Variants in CLIC4 observed in about 807,000 individuals in gnomAD.
CLIC4 encodes CLIC family member 4.
Under a neutral mutation model 24.6 loss-of-function variants are expected in CLIC4, and 13 were observed. The ratio of observed to expected loss-of-function variants is 0.53; its 90% confidence interval spans 0.34 to 0.84. CLIC4 has a LOEUF of 0.84. Ranked by LOEUF, CLIC4 falls within the 40% of genes least tolerant of loss-of-function variation. The pLI is 0.01. For synonymous variants in CLIC4, 104 were observed against 111.3 expected, an observed-to-expected ratio of 0.93 and a Z score of 0.41; for missense variants, 227 against 301.7, an observed-to-expected ratio of 0.75 and a Z score of 1.83.
chr1:24,824,318 A>G (rs7549473), intron 3 of CLIC4, among the ~76,000 whole-genome samples: 2,002 of 152,230 alleles, frequency 0.013, 49 homozygotes, highest in African/African-American at 0.046. Context: ...ACCCGGGCTG[A>G]GTGCAGTGGC....
At chr1:24,772,852 T>G (rs1639087532) in intron 1 of CLIC4, among the ~76,000 whole-genome samples, 1 of 152,242 alleles carries the variant, frequency 6.6e-6, no homozygotes, top group South Asian at 2.1e-4. Context: ...TGAGGAAGAT[T>G]CATTAATTTA....
At chr1:24,745,894 C>T (rs1357123516) in intron 1 of CLIC4, among the ~76,000 whole-genome samples, 1 of 151,218 alleles carries the variant, frequency 6.6e-6, no homozygotes, top group South Asian at 2.1e-4. Context: ...GCGTCCCGCG[C>T]CCGGGTGGGT....
chr1:24,773,032 C>T (rs1452118732), intron 1 of CLIC4, among the ~76,000 whole-genome samples: 1 of 152,082 alleles, frequency 6.6e-6, no homozygotes, highest in Non-Finnish European at 1.5e-5. Flanking sequence ...ATCCTTACAG[C>T]CAATTTTCTG....
At chr1:24,773,691 G>T (rs922991943) in intron 1 of CLIC4, among the ~76,000 whole-genome samples, 7 of 148,940 alleles carry the variant, frequency 4.7e-5, no homozygotes, top group African/African-American at 1.7e-4. Flanking sequence ...TGACCTCCTG[G>T]GCTCAAGTGA....
chr1:24,747,159 A>C (rs1638710930), intron 1 of CLIC4, among the ~76,000 whole-genome samples: 1 of 151,182 alleles, frequency 6.6e-6, no homozygotes, highest in Non-Finnish European at 1.5e-5. Context: ...AGAACCCCCA[A>C]AATATCAAAG....
chr1:24,824,277 T>G (rs1639765117), intron 3 of CLIC4, among the ~76,000 whole-genome samples: 2 of 150,340 alleles, frequency 1.3e-5, no homozygotes, highest in South Asian at 4.2e-4. Flanking sequence ...TGTCAATACT[T>G]TTTTTTTTTG....
chr1:24,802,058 T>C (rs1639496158), intron 2 of CLIC4, among the ~76,000 whole-genome samples: 1 of 152,176 alleles, frequency 6.6e-6, no homozygotes, highest in Non-Finnish European at 1.5e-5. Context: ...ACCCTTACTG[T>C]GTCCTAAAAT....
At chr1:24,815,957 G>C (rs1242149348) in intron 3 of CLIC4, among the ~76,000 whole-genome samples, 1 of 151,960 alleles carries the variant, frequency 6.6e-6, no homozygotes, top group Non-Finnish European at 1.5e-5. Flanking sequence ...ATCTTCACTA[G>C]GTATACATTC....
chr1:24,789,895 A>G (rs1286083300), intron 1 of CLIC4, among the ~76,000 whole-genome samples: 2 of 152,218 alleles, frequency 1.3e-5, no homozygotes, highest in Non-Finnish European at 1.5e-5. Flanking sequence ...TTTTCATACT[A>G]TGTTAAGAGA....
chr1:24,823,428 C>T (rs771407047), intron 3 of CLIC4, among the ~76,000 whole-genome samples: 2 of 152,042 alleles, frequency 1.3e-5, no homozygotes, highest in Non-Finnish European at 2.9e-5. Context: ...TAGAAGGAAG[C>T]GAGATAAATT....
intron 1 of CLIC4, among the ~76,000 whole-genome samples, chr1:24,754,588 A>G (rs192336910): frequency 7.2e-5 from 11 of 152,310 alleles, no homozygotes; most frequent in Admixed American, 2.6e-4. Flanking sequence ...GAGAATGGAA[A>G]GGGACTTTCT....
chr1:24,772,597 TG>T (rs961774018), intron 1 of CLIC4, among the ~76,000 whole-genome samples: 50 of 152,290 alleles, frequency 3.3e-4, no homozygotes, highest in Admixed American at 3.1e-3. Context: ...GCGATTCTCC[TG>T]CCTCAGCCTC....
chr1:24,814,211 C>T lies in CLIC4; in HGVS notation c.300C>T (p.Cys100=), dbSNP rs149333275. The T allele has an allele frequency of 5.0e-5, 80 of 1,612,266 alleles. No homozygotes were observed. In the African/African-American group the frequency reaches 8.7e-4, roughly 17 times the overall value. ...AGGAATTTCTTGAAGAAGTCTTATG[C>T]CCTCCCAAGTGAGTATCAAGGAAAA... The part of the protein sequence containing the change: ...KIEEFLEEVL[C]PPKYLKLSPK... The change falls in exon 3 of 6, where the codon TGC becomes TGT. Residue 100 remains cysteine (C), a synonymous_variant. Coordinates refer to ENST00000374379, the MANE Select transcript of CLIC4 (RefSeq NM_013943.3).
At chr1:24,777,957 A>G (rs568381384) in intron 1 of CLIC4, 211 of 152,354 alleles carry the variant, frequency 1.4e-3, no homozygotes, top group African/African-American at 4.8e-3. Flanking sequence ...CAATTTTAGT[A>G]TTCATGCTGT....
At chr1:24,746,658 T>C (rs1638703586) in intron 1 of CLIC4, among the ~76,000 whole-genome samples, 1 of 152,112 alleles carries the variant, frequency 6.6e-6, no homozygotes, top group South Asian at 2.1e-4. Context: ...AACTATTGGG[T>C]TCTTTTTTTT....
chr1:24,838,636 T>TA (rs1571269773), intron 4 of CLIC4, among the ~76,000 whole-genome samples: 2 of 152,308 alleles, frequency 1.3e-5, no homozygotes, highest in East Asian at 3.9e-4. Flanking sequence ...TATGGCCAGT[T>TA]ACCACAATCA....
intron 2 of CLIC4, among the ~76,000 whole-genome samples, chr1:24,810,463 A>C (rs1253464820): frequency 6.6e-6 from 1 of 152,194 alleles, no homozygotes; most frequent in Non-Finnish European, 1.5e-5. Flanking sequence ...TCCTGTAAAT[A>C]ATCTCAGGAC....
At chr1:24,777,100 A>G (rs1484331848) in intron 1 of CLIC4, among the ~76,000 whole-genome samples, 2 of 151,980 alleles carry the variant, frequency 1.3e-5, no homozygotes, top group African/African-American at 2.4e-5. Context: ...GCATGTGTGG[A>G]TGGGTGCATG....
chr1:24,774,240 T>C (rs1477759156), intron 1 of CLIC4, among the ~76,000 whole-genome samples: 2 of 152,178 alleles, frequency 1.3e-5, no homozygotes, highest in African/African-American at 4.8e-5. Flanking sequence ...CCTCCCAAAG[T>C]GTTGGGATTA....
Sources: gnomAD v4.1 joint callset for allele counts (sites outside exome capture counted in the v4.1 genomes callset) on GRCh38, gnomAD v4.1.1 for gene constraint, MANE v1.5 for transcripts, NCBI Gene and HGNC (gene_info 2026-07-23, HGNC 2026-07-21) for gene names.